Variants in CNOT10 observed in about 807,000 individuals in gnomAD.
CNOT10 encodes the protein CCR4-NOT transcription complex, subunit 10.
Under a neutral mutation model 94.6 loss-of-function variants are expected in CNOT10, and 30 were observed. The ratio of observed to expected loss-of-function variants is 0.32; its 90% CI spans 0.24 to 0.43. CNOT10 has a LOEUF of 0.43. Ranked by LOEUF, CNOT10 falls within the 20% of genes least tolerant of loss-of-function variation. The pLI is 1.00. For synonymous variants in CNOT10, 289 were observed against 301.6 expected (o/e 0.96, Z 0.43); for missense variants, 759 against 877.2 (o/e 0.87, Z 1.70).
At chr3:32,714,034 G>A (rs930942715) in intron 5 of CNOT10, among the ~76,000 whole-genome samples, 1 of 151,986 alleles carries the variant, frequency 6.6e-6, no homozygotes, top group African/African-American at 2.4e-5. Context: ...ATAATATTTA[G>A]GAATAGAATC....
Position 32,695,705 on chromosome 3 carries a change from T to C in CNOT10, c.23-8163T>C, listed in dbSNP as rs781248585. 4.0e-5 allele frequency: 62 copies of C among 1,535,862 alleles called. No individual in the cohort carries two copies. The African/African-American group carries it at 7.1e-4, about 18-fold the overall frequency. On this transcript the variant is annotated intron_variant, in intron 1 of 18. Transcript: ENST00000328834. ...CGCATAGAAGGTCAGCCATGTTCAT[T>C]AGGCCAGAGTAGAAGGAAAGTCAAG...
chr3:32,709,119 T>G (rs190271509), intron 4 of CNOT10, among the ~76,000 whole-genome samples: 116 of 152,358 alleles, frequency 7.6e-4, no homozygotes, highest in Non-Finnish European at 1.2e-3. Context: ...GATCCTTTCT[T>G]ACTTTAGTAC....
At chr3:32,773,365 T>C in intron 18 of CNOT10, 92 bp from the exon 19 acceptor site, 1 of 1,334,494 alleles carries the variant, frequency 7.5e-7, no homozygotes. Flanking sequence ...TTCTAGATCA[T>C]CTTTTACCTC....
intron 1 of CNOT10, among the ~76,000 whole-genome samples, chr3:32,685,761 TG>T (rs1178609115): frequency 6.6e-6 from 1 of 152,114 alleles, no homozygotes; most frequent in Non-Finnish European, 1.5e-5. Context: ...AAATGTATTT[TG>T]CCGCTTCGCA....
In CNOT10 at chr3:32,690,318, G is replaced by A. The variant is rs760132137; in HGVS notation, c.22+4836G>A. Among the ~76,000 whole-genome samples, 60 of 152,034 alleles carry A rather than the reference G, an allele frequency of 3.9e-4. 1 individual carries two copies. Among genetic ancestry groups the A allele is most frequent in the Non-Finnish European group, 5.3e-4 (36 of 67,956 alleles). On this transcript the variant is annotated intron_variant, in intron 1 of 18. Transcript: ENST00000328834. Reference sequence around the variant, plus strand: ...TGCGTGTAGAATGAGAACGATGAAAGTATCTACCTCACAGGTATGGTAACA... The same window carrying A: ...TGCGTGTAGAATGAGAACGATGAAAATATCTACCTCACAGGTATGGTAACA...
intron 15 of CNOT10, 46 bp downstream of exon 15, chr3:32,762,909 C>T (rs1192602774): frequency 6.9e-7 from 1 of 1,457,854 alleles, no homozygotes; most frequent in Non-Finnish European, 9.0e-7. Flanking sequence ...GTTTCCATTT[C>T]CCTCCTGTCA....
chr3:32,685,321 C>A lies in CNOT10; in HGVS notation c.-140C>A. The A allele has an allele frequency of 1.1e-6, 1 of 883,470 alleles. No homozygotes were observed. The highest frequency in any genetic ancestry group is 1.8e-6 in the Non-Finnish European group (1 of 564,762). The allele number at this position is 883,470 out of a possible 1,614,324, so 54.7% of individuals were successfully genotyped here. On this transcript the variant is annotated 5_prime_UTR_variant, in exon 1 of 19. Coordinates refer to ENST00000328834, the MANE Select transcript of CNOT10 (RefSeq NM_015442.3). The stretch of plus-strand genomic sequence containing the variant: ...TCACTTCCTCAGCCCGCCGTCTGCC[C>A]ACTCCTCTAGCCGGAACCTGGGGGC...
intron 17 of CNOT10, chr3:32,765,059 C>A (rs1446565727): frequency 7.9e-7 from 1 of 1,273,798 alleles, no homozygotes; most frequent in East Asian, 4.5e-5. Flanking sequence ...GGCACAGTGG[C>A]TCATGCCTCC....
chr3:32,727,556 G>C lies in CNOT10; in HGVS notation c.1013-112G>C, dbSNP rs1047203252. 3.6e-5 allele frequency: 26 copies of C among 718,498 alleles called. No individual in the cohort carries two copies. In the African/African-American group the frequency reaches 4.5e-4, roughly 12 times the overall value. The allele number at this position is 718,498 out of a possible 1,614,324, so 44.5% of individuals were successfully genotyped here. On this transcript the variant is annotated intron_variant, in intron 9 of 18. Transcript: ENST00000328834. ...GCGAGAGCTATTAAAACTCAGATCAGGATTATTGGTGTTAAACATGGTAGT... is the reference window on the plus strand; with the variant it reads ...GCGAGAGCTATTAAAACTCAGATCACGATTATTGGTGTTAAACATGGTAGT...
At chr3:32,705,577 A>G (rs1697583551) in intron 3 of CNOT10, among the ~76,000 whole-genome samples, 1 of 152,184 alleles carries the variant, frequency 6.6e-6, no homozygotes, top group South Asian at 2.1e-4. Flanking sequence ...CAGTAGCCCT[A>G]TGAAATAGCT....
intron 1 of CNOT10, among the ~76,000 whole-genome samples, chr3:32,703,623 A>C (rs9852462): frequency 1.3e-5 from 2 of 152,180 alleles, no homozygotes; most frequent in Non-Finnish European, 2.9e-5. Context: ...ATGGAATGCT[A>C]GACAAAGGAA....
At chr3:32,720,938 T>TC (rs1397632852) in intron 8 of CNOT10, among the ~76,000 whole-genome samples, 1 of 135,420 alleles carries the variant, frequency 7.4e-6, no homozygotes, top group Non-Finnish European at 1.6e-5. Context: ...TTCCTTCCCT[T>TC]CTTCCCTTCC....
chr3:32,734,239 A>G (rs890418118), intron 11 of CNOT10, among the ~76,000 whole-genome samples: 2 of 152,232 alleles, frequency 1.3e-5, no homozygotes, highest in African/African-American at 2.4e-5. Context: ...AGCAATTTCA[A>G]AGTTGTTACT....
intron 8 of CNOT10, among the ~76,000 whole-genome samples, chr3:32,721,948 G>A (rs893444662): frequency 6.7e-5 from 10 of 149,318 alleles, no homozygotes; most frequent in Non-Finnish European, 1.2e-4. Flanking sequence ...CACCGTGCCC[G>A]GCCTATTACA....
chr3:32,690,589 C>G (rs1696807356), intron 1 of CNOT10, among the ~76,000 whole-genome samples: 1 of 152,068 alleles, frequency 6.6e-6, no homozygotes, highest in East Asian at 1.9e-4. Flanking sequence ...CTCTGTTGCC[C>G]AGGCTGGAGT....
chr3:32,695,918 C>G, intron 1 of CNOT10: 3 of 988,510 alleles, frequency 3.0e-6, no homozygotes, highest in Non-Finnish European at 4.4e-6. Flanking sequence ...GCAGAAAACT[C>G]GAGAAATGTA....
chr3:32,705,558 T>C (rs1697582343), intron 3 of CNOT10, among the ~76,000 whole-genome samples: 2 of 152,328 alleles, frequency 1.3e-5, no homozygotes, highest in African/African-American at 4.8e-5. Context: ...CTTCTCAGCT[T>C]GTTCTTCTCA....
intron 1 of CNOT10, among the ~76,000 whole-genome samples, chr3:32,690,311 G>A (rs1261037348): frequency 6.6e-6 from 1 of 152,150 alleles, no homozygotes; most frequent in African/African-American, 2.4e-5. Context: ...GAATGAGAAC[G>A]ATGAAAGTAT....
intron 1 of CNOT10, among the ~76,000 whole-genome samples, chr3:32,703,300 C>T (rs1417374049): frequency 7.9e-5 from 12 of 152,074 alleles, no homozygotes; most frequent in Non-Finnish European, 1.5e-4. Context: ...AAACTAGGGA[C>T]AAATTCACTA....
Sources: allele counts gnomAD v4.1 joint callset (sites outside exome capture counted in the v4.1 genomes callset), GRCh38; gene constraint gnomAD v4.1.1; transcripts MANE v1.5; gene names NCBI Gene and HGNC (gene_info 2026-07-23, HGNC 2026-07-21).